The following CCDC73 variants were observed in gnomAD, a reference collection of about 807,000 sequenced individuals.
The protein encoded by CCDC73 is coiled-coil domain-containing protein 73.
In CCDC73, 95 loss-of-function variants were observed where a neutral mutation model predicts 116.5. That is an observed-to-expected ratio of 0.82 (90% CI 0.69 to 0.97). The LOEUF (loss-of-function observed/expected upper bound fraction) is 0.97. Ranked by LOEUF, CCDC73 falls within the 50% of genes least tolerant of loss-of-function variation. The pLI, the probability that CCDC73 is intolerant of heterozygous loss-of-function variation, is 0.00. For missense variants in CCDC73, 1,066 were observed against 1,206.8 expected, an observed-to-expected ratio of 0.88 and a Z score of 1.73; for synonymous variants, 398 against 401.3, an observed-to-expected ratio of 0.99 and a Z score of 0.10.
chr11:32,776,934 A>T (rs7119583), intron 1 of CCDC73, among the ~76,000 whole-genome samples: 1,421 of 30,128 alleles, frequency 0.047, 19 homozygotes, highest in East Asian at 0.059. Flanking sequence ...TTAAAAAAAA[A>T]AAATATATAT....
intron 2 of CCDC73, among the ~76,000 whole-genome samples, chr11:32,744,896 C>T (rs1013840931): frequency 2.6e-5 from 4 of 152,062 alleles, no homozygotes; most frequent in African/African-American, 9.7e-5. Context: ...TTTTGTATCT[C>T]TATCTCCTTC....
At chr11:32,720,944 C>A (rs1263752647) in intron 2 of CCDC73, among the ~76,000 whole-genome samples, 4 of 152,086 alleles carry the variant, frequency 2.6e-5, no homozygotes, top group Admixed American at 2.6e-4. Flanking sequence ...AAGACGTGTA[C>A]ATTTCATTGT....
At chr11:32,675,801 C>A in intron 8 of CCDC73, 85 bp downstream of exon 8, 1 of 1,263,122 alleles carries the variant, frequency 7.9e-7, no homozygotes, top group Non-Finnish European at 1.1e-6. Flanking sequence ...TCAGTATTAT[C>A]ATAGATATTC....
At position 32,718,140 on chromosome 11, in the gene CCDC73, T is replaced by G; in HGVS notation, c.143A>C (p.Glu48Ala). The G allele has an allele frequency of 6.2e-7, 1 of 1,600,444 alleles. No individual in the cohort carries two copies. Among genetic ancestry groups the G allele is most frequent in the Non-Finnish European group, 8.5e-7 (1 of 1,174,534 alleles). ...LEELRMRREA[E>A]IHYEEQIGKI... ...ACCAATCTGCTCTTCATAATGAATT[T>G]CTGCTTCCTAAGTCAAAAAGAAAAA... The change falls in exon 3 of 18, where the codon GAA (glutamate) becomes GCA (alanine). Residue 48 changes from glutamate (E) to alanine (A), a missense_variant. By Grantham distance (107) the Glu-to-Ala change is moderately radical (BLOSUM62 -1). Transcript: ENST00000335185.
At chr11:32,685,403 C>T (rs1395134070) in intron 6 of CCDC73, among the ~76,000 whole-genome samples, 2 of 151,908 alleles carry the variant, frequency 1.3e-5, no homozygotes, top group East Asian at 3.9e-4. Flanking sequence ...GACGATTACA[C>T]AGGACAGTCA....
chr11:32,693,888 T>C (rs1300636255), intron 6 of CCDC73, among the ~76,000 whole-genome samples: 1 of 152,176 alleles, frequency 6.6e-6, no homozygotes, highest in Non-Finnish European at 1.5e-5. Context: ...AAACTCTCAA[T>C]AAACTAGGTA....
rs113639946 is a variant in CCDC73, at chr11:32,718,015, C to T, written c.207+61G>A. The T allele has an allele frequency of 6.3e-3, 7,488 of 1,182,490 alleles. 315 individuals carry two copies. The African/African-American group carries it at 0.095, about 15-fold the overall frequency. The allele number at this position is 1,182,490 out of a possible 1,614,324, so 73.2% of individuals were successfully genotyped here. On this transcript the variant is annotated intron_variant, in intron 3 of 17. Transcript: ENST00000335185. Reference sequence around the variant, plus strand: ...TCTCTCCCTTGACACGTGGGGGTTACGGGGATTACAATTCAAGATGAGATT... The same window carrying T: ...TCTCTCCCTTGACACGTGGGGGTTATGGGGATTACAATTCAAGATGAGATT...
intron 1 of CCDC73, among the ~76,000 whole-genome samples, chr11:32,770,707 A>G (rs79016134): frequency 0.08 from 12,103 of 152,230 alleles, 505 homozygotes; most frequent in Non-Finnish European, 0.091. Flanking sequence ...CAAATTGTGG[A>G]TCTGACTAAG....
chr11:32,689,913 T>A (rs970943446), intron 6 of CCDC73, among the ~76,000 whole-genome samples: 4 of 152,120 alleles, frequency 2.6e-5, no homozygotes, highest in Non-Finnish European at 5.9e-5. Flanking sequence ...GAGAATGGCA[T>A]GAACCCGGGA....
chr11:32,783,413 G>C (rs1850599754), intron 1 of CCDC73, among the ~76,000 whole-genome samples: 1 of 152,170 alleles, frequency 6.6e-6, no homozygotes. Context: ...AAAGGCATGG[G>C]ATCCAGGAAA....
intron 2 of CCDC73, among the ~76,000 whole-genome samples, chr11:32,749,748 C>A (rs776545410): frequency 3.3e-5 from 5 of 152,082 alleles, no homozygotes; most frequent in Non-Finnish European, 7.4e-5. Flanking sequence ...TAGGGGGCAC[C>A]ACAAGCCCAA....
chr11:32,611,412 C>CCTG, intron 16 of CCDC73, 147 bp from the exon 17 acceptor site: 1 of 680,060 alleles, frequency 1.5e-6, no homozygotes, highest in Non-Finnish European at 2.4e-6. Flanking sequence ...TTGTCCTAGA[C>CCTG]TTTGCTCTTA....
chr11:32,707,029 G>A (rs1849861380), intron 3 of CCDC73, among the ~76,000 whole-genome samples: 2 of 151,966 alleles, frequency 1.3e-5, no homozygotes, highest in Admixed American at 6.5e-5. Flanking sequence ...AGCACTTTGT[G>A]GGAAAAAAGT....
intron 14 of CCDC73, among the ~76,000 whole-genome samples, chr11:32,631,655 G>A (rs1220862103): frequency 6.6e-6 from 1 of 151,314 alleles, no homozygotes; most frequent in Non-Finnish European, 1.5e-5. Flanking sequence ...AGGAAAGGAA[G>A]GAAAGGAAGG....
intron 3 of CCDC73, among the ~76,000 whole-genome samples, chr11:32,714,386 C>T (rs10734413): frequency 0.59 from 89,608 of 151,888 alleles, 26,746 homozygotes; most frequent in East Asian, 0.84. Context: ...TGTGGCAAAA[C>T]ACTCCAAGGG....
chr11:32,808,250 G>A, the CCDC73 span, among the ~76,000 whole-genome samples: 17,960 of 152,098 alleles, frequency 0.12, 1,090 homozygotes, highest in African/African-American at 0.13. Context: ...AATAACATAC[G>A]GAAAAGAAGG....
chr11:32,639,770 C>G (rs1311445144), intron 13 of CCDC73, among the ~76,000 whole-genome samples: 1 of 151,976 alleles, frequency 6.6e-6, no homozygotes, highest in Non-Finnish European at 1.5e-5. Context: ...TTTTTGTGAC[C>G]TCCCTTTCCC....
At chr11:32,670,724 T>C (rs557928789) in intron 9 of CCDC73, among the ~76,000 whole-genome samples, 1 of 152,186 alleles carries the variant, frequency 6.6e-6, no homozygotes, top group African/African-American at 2.4e-5. Context: ...CAAATGTCTA[T>C]GTTTTTCTAC....
chr11:32,619,309 G>A (rs1855501830), intron 14 of CCDC73, among the ~76,000 whole-genome samples: 1 of 152,128 alleles, frequency 6.6e-6, no homozygotes, highest in African/African-American at 2.4e-5. Context: ...AGATGTATGG[G>A]AAAATTGGCC....
Sources: gnomAD v4.1 joint callset for allele counts (sites outside exome capture counted in the v4.1 genomes callset) on GRCh38, gnomAD v4.1.1 for gene constraint, MANE v1.5 for transcripts, NCBI Gene and HGNC (gene_info 2026-07-23, HGNC 2026-07-21) for gene names.